EDA: variants seen among roughly 807,000 people sequenced by gnomAD.
The protein encoded by EDA is ectodysplasin-A.
In EDA, 2 loss-of-function variants were observed where a neutral mutation model predicts 23.6. The ratio of observed to expected loss-of-function variants is 0.08; its 90% CI spans 0.03 to 0.27. EDA has a LOEUF of 0.27. Ranked by LOEUF, EDA falls within the 10% of genes least tolerant of loss-of-function variation. The pLI is 1.00. For missense variants in EDA, 229 were observed against 324.2 expected (o/e 0.71, Z 2.26); for synonymous variants, 131 against 132.0 (o/e 0.99, Z 0.05).
chrX:69,924,957 A>C (rs772206818), intron 1 of EDA, among the ~76,000 whole-genome samples: 66 of 110,982 alleles, frequency 5.9e-4, no homozygotes, highest in Non-Finnish European at 1.0e-3. Flanking sequence ...TCTGTTGTCT[A>C]TTTTTGGTGT....
chrX:69,627,019 G>A (rs1932408720), intron 1 of EDA, among the ~76,000 whole-genome samples: 1 of 111,563 alleles, frequency 9.0e-6, no homozygotes, highest in South Asian at 3.8e-4. Flanking sequence ...GATGTGTCCA[G>A]GGTCCCAGTG....
chrX:69,950,753 A>G (rs1323506671), intron 1 of EDA, among the ~76,000 whole-genome samples: 2 of 87,198 alleles, frequency 2.3e-5, no homozygotes, highest in African/African-American at 9.0e-5. Flanking sequence ...ATGGAATACT[A>G]TGCAGCCATA....
intron 1 of EDA, among the ~76,000 whole-genome samples, chrX:69,810,721 A>G (rs993271910): frequency 9.8e-6 from 1 of 102,415 alleles, no homozygotes; most frequent in African/African-American, 3.7e-5. Context: ...ACGCCATTGC[A>G]CTCCAGCCTG....
At chrX:69,974,788 C>CT (rs11409631) in intron 2 of EDA, among the ~76,000 whole-genome samples, 10,637 of 110,727 alleles carry the variant, frequency 0.096, 1,244 homozygotes, top group African/African-American at 0.33. Context: ...AAATAACCCC[C>CT]TTTAAAAATG....
intron 1 of EDA, among the ~76,000 whole-genome samples, chrX:69,697,057 G>A (rs2011372007): frequency 9.0e-6 from 1 of 111,343 alleles, no homozygotes; most frequent in African/African-American, 3.3e-5. Flanking sequence ...GTATTGGTTC[G>A]AACCCCAGGA....
At chrX:69,794,502 G>A (rs111513659) in intron 1 of EDA, among the ~76,000 whole-genome samples, 1,974 of 112,096 alleles carry the variant, frequency 0.018, 47 homozygotes, top group African/African-American at 0.061. Flanking sequence ...TTAAAACCAG[G>A]AAACAGACAC....
At chrX:69,788,862 T>G (rs1204554334) in intron 1 of EDA, among the ~76,000 whole-genome samples, 7 of 108,273 alleles carry the variant, frequency 6.5e-5, no homozygotes, top group African/African-American at 1.3e-4. Flanking sequence ...TAAGCAAGCC[T>G]GGGCAATGGC....
intron 1 of EDA, among the ~76,000 whole-genome samples, chrX:69,651,438 G>A (rs1443295885): frequency 9.4e-6 from 1 of 105,928 alleles, no homozygotes; most frequent in East Asian, 3.0e-4. Flanking sequence ...ACAGCTGAGA[G>A]AACAAGCTTT....
intron 2 of EDA, among the ~76,000 whole-genome samples, chrX:70,012,386 C>T (rs1236883118): frequency 8.9e-6 from 1 of 111,924 alleles, no homozygotes; most frequent in East Asian, 2.8e-4. Context: ...ACAGCTCTAG[C>T]TCCCTGACAT....
intron 1 of EDA, among the ~76,000 whole-genome samples, chrX:69,793,194 T>C (rs1335605408): frequency 8.9e-6 from 1 of 111,999 alleles, no homozygotes; most frequent in Non-Finnish European, 1.9e-5. Flanking sequence ...CAGGACTACA[T>C]CTGTTTCACA....
At chrX:69,719,686 C>G (rs2012498428) in intron 1 of EDA, among the ~76,000 whole-genome samples, 3 of 108,627 alleles carry the variant, frequency 2.8e-5, no homozygotes, top group Non-Finnish European at 5.7e-5. Flanking sequence ...TTATTTTGTT[C>G]TTCTTTATGG....
intron 1 of EDA, among the ~76,000 whole-genome samples, chrX:69,922,575 T>C (rs1229502769): frequency 8.9e-6 from 1 of 112,500 alleles, no homozygotes; most frequent in African/African-American, 3.2e-5. Flanking sequence ...TTTGAGTGGT[T>C]ATAAACTATG....
Position 69,667,157 on chromosome X carries a change from G to A in EDA, c.396+50453G>A, listed in dbSNP as rs559425980. Among the ~76,000 whole-genome samples, 624 of 92,247 alleles carry A rather than the reference G, an allele frequency of 6.8e-3. 2 individuals are homozygous for A. The highest frequency in any genetic ancestry group is 0.023 in the South Asian group (45 of 1,927). The allele number at this position is 92,247 out of a possible 115,157, so 80.1% of individuals were successfully genotyped here. ...TTTTGAAATGGAGTCTCGCTCTGTC[G>A]CCCAGGCTGGAGTGCAGTGGTGCGA... On this transcript the variant is annotated intron_variant, in intron 1 of 7. Coordinates refer to ENST00000374552, the MANE Select transcript of EDA (RefSeq NM_001399.5).
At chrX:69,725,134 C>T (rs1007448128) in intron 1 of EDA, among the ~76,000 whole-genome samples, 1 of 111,919 alleles carries the variant, frequency 8.9e-6, no homozygotes, top group Non-Finnish European at 1.9e-5. Context: ...TCTGACTGAA[C>T]GTGTGGTGGA....
intron 1 of EDA, among the ~76,000 whole-genome samples, chrX:69,688,140 G>A (rs1474318865): frequency 8.9e-6 from 1 of 111,747 alleles, no homozygotes. Flanking sequence ...GAGGGATTTG[G>A]TTGAGACTCA....
At chrX:69,655,024 C>T (rs762653862) in intron 1 of EDA, among the ~76,000 whole-genome samples, 8 of 110,976 alleles carry the variant, frequency 7.2e-5, no homozygotes, top group Non-Finnish European at 1.1e-4. Flanking sequence ...CAGGTATAAA[C>T]GTATTTTCTC....
At chrX:69,933,551 C>G (rs1164234986) in intron 1 of EDA, among the ~76,000 whole-genome samples, 2 of 110,675 alleles carry the variant, frequency 1.8e-5, no homozygotes, top group African/African-American at 6.6e-5. Flanking sequence ...TATGGTGGTG[C>G]CTGTAATCCC....
In EDA at chrX:69,847,933, G is replaced by T. The variant is rs552609512; in HGVS notation, c.397-109094G>T. On this transcript the variant is annotated intron_variant, in intron 1 of 7. Transcript: ENST00000374552. ...AACTGTCAAACTGTTTTCCAGAATGGTTGTGCCATTTTGCATTCCCACTGG... is the reference window on the plus strand; with the variant it reads ...AACTGTCAAACTGTTTTCCAGAATGTTTGTGCCATTTTGCATTCCCACTGG... 8.2e-4 allele frequency among the ~76,000 whole-genome samples: 92 copies of T among 111,631 alleles called. No homozygotes were observed. The South Asian group carries it at 0.031, about 38-fold the overall frequency.
intron 1 of EDA, among the ~76,000 whole-genome samples, chrX:69,917,219 A>G (rs1453480937): frequency 9.0e-6 from 1 of 111,420 alleles, no homozygotes; most frequent in Non-Finnish European, 1.9e-5. Flanking sequence ...TACAGGCATG[A>G]GCCACCATGC....
Sources: gnomAD v4.1 joint callset for allele counts (sites outside exome capture counted in the v4.1 genomes callset) on GRCh38, gnomAD v4.1.1 for gene constraint, MANE v1.5 for transcripts, NCBI Gene and HGNC (gene_info 2026-07-23, HGNC 2026-07-21) for gene names.